SPATA22: variants seen among roughly 807,000 people sequenced by gnomAD.
The protein encoded by SPATA22 is spermatogenesis-associated protein 22.
Under a neutral mutation model 47.8 loss-of-function variants are expected in SPATA22, and 29 were observed. The observed-to-expected ratio is 0.61, with a 90% CI of 0.45 to 0.83. The LOEUF is 0.83. SPATA22 is among the 40% of genes least tolerant of loss of function. The pLI is 0.00. For missense variants in SPATA22, 410 were observed against 421.7 expected (o/e 0.97, Z 0.24); for synonymous variants, 133 against 140.9 (o/e 0.94, Z 0.40).
chr17:3,506,579 C>T (rs1401153476), intron 1 of SPATA22, among the ~76,000 whole-genome samples: 1 of 152,174 alleles, frequency 6.6e-6, no homozygotes, highest in African/African-American at 2.4e-5. Flanking sequence ...CTTTCACAGT[C>T]TTGAAACATA....
intron 5 of SPATA22, among the ~76,000 whole-genome samples, chr17:3,454,905 C>T (rs1201952880): frequency 6.6e-6 from 1 of 152,038 alleles, no homozygotes; most frequent in Non-Finnish European, 1.5e-5. Context: ...AACTAGTTTA[C>T]AGTCCCACCA....
At chr17:3,460,249 G>C (rs7217304) in intron 5 of SPATA22, among the ~76,000 whole-genome samples, 35,560 of 151,774 alleles carry the variant, frequency 0.23, 4,443 homozygotes, top group East Asian at 0.43. Context: ...TTTTTCCCAT[G>C]GATAAAGACA....
chr17:3,462,902 G>A, intron 3 of SPATA22, 135 bp from the exon 4 acceptor site: 1 of 669,214 alleles, frequency 1.5e-6, no homozygotes, highest in Non-Finnish European at 2.6e-6. Context: ...TTCTTCAACA[G>A]TACTTGTTGG....
At chr17:3,461,927 T>A (rs942638867) in intron 5 of SPATA22, among the ~76,000 whole-genome samples, 1 of 152,246 alleles carries the variant, frequency 6.6e-6, no homozygotes, top group Non-Finnish European at 1.5e-5. Context: ...AATTTTTTCA[T>A]ACTATTTAAA....
chr17:3,497,748 T>C (rs1312046633), intron 1 of SPATA22, among the ~76,000 whole-genome samples: 1 of 152,184 alleles, frequency 6.6e-6, no homozygotes, highest in Admixed American at 6.5e-5. Context: ...TTTGATTTGG[T>C]AGGTCTGCTG....
At chr17:3,493,560 CAAAAAA>C (rs746229421) in intron 1 of SPATA22, among the ~76,000 whole-genome samples, 763 of 56,394 alleles carry the variant, frequency 0.014, 12 homozygotes, top group African/African-American at 0.05. Flanking sequence ...GGTTCCATCT[CAAAAAA>C]AAAAAAAAAA....
exon 1 of SPATA22, chr17:3,513,643 G>A (rs1028758456): frequency 1.4e-5 from 5 of 352,538 alleles, no homozygotes; most frequent in African/African-American, 2.1e-5. Context: ...CTTCACCCGG[G>A]ACTTCAGGAG....
intron 5 of SPATA22, among the ~76,000 whole-genome samples, chr17:3,451,253 G>C (rs2072853341): frequency 6.6e-6 from 1 of 151,958 alleles, no homozygotes; most frequent in African/African-American, 2.4e-5. Flanking sequence ...AATTCAATAG[G>C]AAGACATAAA....
upstream of SPATA22, chr17:3,476,480 C>A: frequency 8.0e-7 from 1 of 1,247,140 alleles, no homozygotes; most frequent in Non-Finnish European, 1.2e-6. Context: ...TATGTATATG[C>A]AGATGATAAT....
At chr17:3,483,865 C>T (rs1165766844) in intron 1 of SPATA22, among the ~76,000 whole-genome samples, 1 of 152,064 alleles carries the variant, frequency 6.6e-6, no homozygotes, top group Non-Finnish European at 1.5e-5. Context: ...CCATGTTAGC[C>T]AGGGCTGGCC....
chr17:3,451,323 C>T (rs2072854674), intron 5 of SPATA22, among the ~76,000 whole-genome samples: 1 of 151,796 alleles, frequency 6.6e-6, no homozygotes, highest in African/African-American at 2.4e-5. Context: ...CAAATATTGA[C>T]AAATCTAAAA....
In SPATA22 at chr17:3,467,501, T is replaced by A. The variant is rs745353360; in HGVS notation, c.97A>T (p.Thr33Ser). The A allele has an allele frequency of 6.2e-7, 1 of 1,610,336 alleles. No individual in the cohort carries two copies. The highest frequency in any genetic ancestry group is 1.1e-5 in the South Asian group (1 of 90,212). The change falls in exon 3 of 9, where the codon ACT becomes TCT. Residue 33 changes from threonine to serine, a missense_variant. Transcript: ENST00000572969. ...NQKKRNRQPL[T>S]SNPLKDDSGI... ...GAATCATCTTTAAGTGGATTAGAAG[T>A]TAATGGCTGTCTGTTCCTCTTTTTC...
chr17:3,471,790 C>A lies in SPATA22; in HGVS notation c.-182G>T. 1 of 985,564 alleles carries A rather than the reference C, an allele frequency of 1.0e-6. No homozygotes were observed. The highest frequency in any genetic ancestry group is 1.2e-6 in the Non-Finnish European group (1 of 829,998). 61.1% of individuals were successfully genotyped at this position (985,564 alleles called of 1,614,324 possible). ...GGCGGCCCCGTCAGCAACCGCCGCC[C>A]TTCCCGCCCGCGAAGAAAGCGCGGG... On this transcript the variant is annotated 5_prime_UTR_variant, in exon 1 of 9. It adds an upstream start codon to the 5' untranslated region. Transcript: ENST00000572969.
rs570083395 is a variant in SPATA22 at position 3,508,332 on chromosome 17, G to A, written c.-74+5080C>T. 3.3e-5 allele frequency among the ~76,000 whole-genome samples: 5 copies of A among 151,584 alleles called. No homozygotes were observed. In the South Asian group the frequency reaches 8.4e-4, roughly 25 times the overall value. ...GTAAACTAGTTCAACCATTGTGGAA[G>A]TCAGTGTGGCGATTCCTCAGGGATC... On this transcript the variant is annotated intron_variant, in intron 1 of 8. Transcript: ENST00000541913.
In SPATA22 at chr17:3,511,295, C is replaced by A. The variant is rs886052841; in HGVS notation, c.-74+2117G>T. On this transcript the variant is annotated intron_variant, in intron 1 of 8. Coordinates refer to the SPATA22 transcript ENST00000541913. ...GACACCTGAGAAAATAGTCCTGCCCCCCAATATAAGCGAAATACAAAGACT... is the reference window on the plus strand; with the variant it reads ...GACACCTGAGAAAATAGTCCTGCCCACCAATATAAGCGAAATACAAAGACT... 1 of 152,042 alleles carries A rather than the reference C, an allele frequency of 6.6e-6. No homozygotes were observed. Among genetic ancestry groups the A allele is most frequent in the Non-Finnish European group, 1.5e-5 (1 of 68,022 alleles). 9.4% of individuals were successfully genotyped at this position (152,042 alleles called of 1,614,324 possible). A position where few individuals can be genotyped will look rare whatever the true frequency, so the allele number is the denominator to read the frequency against.
chr17:3,443,442 T>C (rs1417481979), intron 7 of SPATA22, among the ~76,000 whole-genome samples, 171 bp from the exon 8 acceptor site: 1 of 151,990 alleles, frequency 6.6e-6, no homozygotes, highest in Non-Finnish European at 1.5e-5. Context: ...GGCAGTTTTA[T>C]AGGTAGGAAA....
At chr17:3,465,017 T>TG (rs1249654613) in intron 3 of SPATA22, among the ~76,000 whole-genome samples, 29 of 103,944 alleles carry the variant, frequency 2.8e-4, no homozygotes, top group African/African-American at 7.1e-4. Flanking sequence ...GGGAGGGAGG[T>TG]GGGGGGGTCA....
chr17:3,477,018 A>G (rs974756203), intron 1 of SPATA22, among the ~76,000 whole-genome samples: 6 of 151,806 alleles, frequency 4.0e-5, no homozygotes, highest in Non-Finnish European at 8.9e-5. Flanking sequence ...AGCCGGGCGT[A>G]GTGGCGGGTG....
intron 1 of SPATA22, among the ~76,000 whole-genome samples, chr17:3,470,439 T>C (rs909409945): frequency 2.0e-5 from 3 of 152,092 alleles, no homozygotes; most frequent in African/African-American, 7.2e-5. Flanking sequence ...CTTTCAAATA[T>C]CGTTTGTAAA....
Sources: gnomAD v4.1 joint callset for allele counts (sites outside exome capture counted in the v4.1 genomes callset) on GRCh38, gnomAD v4.1.1 for gene constraint, MANE v1.5 for transcripts, NCBI Gene and HGNC (gene_info 2026-07-23, HGNC 2026-07-21) for gene names.